ADAMTS15: variants seen among roughly 807,000 people sequenced by gnomAD.
The protein encoded by ADAMTS15 is A disintegrin and metalloproteinase with thrombospondin motifs 15.
Under a neutral mutation model 79.1 loss-of-function variants are expected in ADAMTS15, and 35 were observed. The ratio of observed to expected loss-of-function variants is 0.44; its 90% confidence interval spans 0.34 to 0.59. The LOEUF (loss-of-function observed/expected upper bound fraction) is 0.59, where lower values mean the gene tolerates loss of function less well. ADAMTS15 is among the 20% of genes least tolerant of loss of function. The pLI, the probability that ADAMTS15 is intolerant of heterozygous loss-of-function variation, is 0.02. For synonymous variants in ADAMTS15, 616 were observed against 567.3 expected (o/e 1.09, Z -1.22); for missense variants, 1,324 against 1,318.7 (o/e 1.00, Z -0.06).
At chr11:130,454,523 C>A (rs1048249013) in intron 1 of ADAMTS15, among the ~76,000 whole-genome samples, 1 of 152,312 alleles carries the variant, frequency 6.6e-6, no homozygotes, top group African/African-American at 2.4e-5. Context: ...ACACATATCT[C>A]CCTATACAAT....
intron 1 of ADAMTS15, among the ~76,000 whole-genome samples, chr11:130,454,007 G>A (rs1242407996): frequency 6.6e-6 from 1 of 152,182 alleles, no homozygotes; most frequent in Non-Finnish European, 1.5e-5. Context: ...ACGAGGTCTT[G>A]CTATGTTGCT....
At position 130,448,883 on chromosome 11, in the gene ADAMTS15, T is replaced by C; in HGVS notation, c.-91T>C. The C allele has an allele frequency of 9.8e-7, 1 of 1,017,082 alleles. No individual in the cohort carries two copies. The highest frequency in any genetic ancestry group is 3.0e-5 in the South Asian group (1 of 33,878). 63.0% of individuals were successfully genotyped at this position (1,017,082 alleles called of 1,614,324 possible). On this transcript the variant is annotated 5_prime_UTR_variant, in exon 1 of 8. Transcript: ENST00000299164. ...CCGGCTGTCCCGTAGCGTTGGCGGT[T>C]CCAGAGTGCGGGCTGCACGGAGACC... is the stretch of plus-strand genomic sequence containing the variant.
At position 130,449,379 on chromosome 11, in the gene ADAMTS15, A is replaced by G. The variant is rs570953560; in HGVS notation, c.406A>G (p.Ile136Val). ...TGGCTACCGAGGCGCCGAGTATGTC[A>G]TTAGCCCGCTGCCCAATGCTAGCGC... ...AFGYRGAEYV[I>V]SPLPNASAPA... The change falls in exon 1 of 8, where the codon ATT becomes GTT. Residue 136 changes from isoleucine to valine, a missense_variant. Physicochemically the swap from Ile to Val is conservative, Grantham distance 29. Transcript: ENST00000299164. The surrounding 1 kb of genome is among the most constrained non-coding windows in gnomAD (Gnocchi z 7.8). 2 of 1,604,198 alleles carry G rather than the reference A, an allele frequency of 1.2e-6. No individual in the cohort carries two copies. Among genetic ancestry groups the G allele is most frequent in the East Asian group, 2.2e-5 (1 of 44,836 alleles).
chr11:130,451,826 C>G (rs917510187), intron 1 of ADAMTS15, among the ~76,000 whole-genome samples: 40 of 152,212 alleles, frequency 2.6e-4, no homozygotes, highest in African/African-American at 9.2e-4. Flanking sequence ...AGCATGACAG[C>G]TTCTATTTCT....
Position 130,449,567 on chromosome 11 carries a change from CG to C in ADAMTS15, c.598del (p.Glu200ArgfsTer44). Reference protein sequence around the residue: ...DPYKPRRAGFGESRSRRRSGR... With the variant: ...DPYKPRRAGFXESRSRRRSGR... ...CTTACAAGCCGCGGCGGGCGGGCTT[CG>C]GGGAGAGTCGTAGCCGGCGCAGGTC... On this transcript the variant is annotated frameshift_variant, in exon 1 of 8. Coordinates refer to ENST00000299164, the MANE Select transcript of ADAMTS15 (RefSeq NM_139055.4). LOFTEE classifies it high-confidence loss of function. This position sits in a 1 kb window ranked among gnomAD's most constrained non-coding sequence, Gnocchi z 7.8. The C allele has an allele frequency of 6.3e-7, 1 of 1,587,938 alleles. No homozygotes were observed. Among genetic ancestry groups the C allele is most frequent in the Non-Finnish European group, 8.6e-7 (1 of 1,166,096 alleles).
chr11:130,460,259 A>G (rs1938171938), intron 1 of ADAMTS15, among the ~76,000 whole-genome samples: 1 of 150,470 alleles, frequency 6.6e-6, no homozygotes, highest in African/African-American at 2.5e-5. Context: ...AGCATCACTG[A>G]TTCAACACAC....
At position 130,471,029 on chromosome 11, in the gene ADAMTS15, G is replaced by A. The variant is rs1938441955; in HGVS notation, c.1830G>A (p.Val610=). The A allele has an allele frequency of 1.2e-6, 2 of 1,613,716 alleles. No homozygotes were observed. The highest frequency in any genetic ancestry group is 1.7e-6 in the Non-Finnish European group (2 of 1,180,048). ...AVAWVPKYSG[V]SPRDKCKLIC... is the part of the protein sequence containing the mutation. ...CATGGGTGCCCAAGTACTCCGGCGT[G>A]TCTCCCCGGGACAAGTGCAAGCTCA... The change falls in exon 6 of 8, where the codon GTG becomes GTA. Residue 610 remains valine, a synonymous_variant. Coordinates refer to ENST00000299164, the MANE Select transcript of ADAMTS15 (RefSeq NM_139055.4).
At chr11:130,454,827 TTTTTC>T (rs1261107404) in intron 1 of ADAMTS15, among the ~76,000 whole-genome samples, 1 of 152,166 alleles carries the variant, frequency 6.6e-6, no homozygotes, top group Non-Finnish European at 1.5e-5. Context: ...GGAGGGAATC[TTTTTC>T]TTTTATTTTT....
chr11:130,456,201 C>T (rs1938075782), intron 1 of ADAMTS15, among the ~76,000 whole-genome samples: 1 of 152,316 alleles, frequency 6.6e-6, no homozygotes, highest in Non-Finnish European at 1.5e-5. Context: ...TCGCGACAGT[C>T]TGGCACACAG....
Position 130,470,949 on chromosome 11 carries a change from T to G in ADAMTS15, c.1750T>G (p.Cys584Gly). 1 of 1,613,666 alleles carries G rather than the reference T, an allele frequency of 6.2e-7. No individual in the cohort carries two copies. The highest frequency in any genetic ancestry group is 8.5e-7 in the Non-Finnish European group (1 of 1,179,976). ...CGGAAAGAGCTTCCGGGAGGAGCAGTGTGAGGCTTTCAACGGCTACAACCA... is the reference window on the plus strand; with the variant it reads ...CGGAAAGAGCTTCCGGGAGGAGCAGGGTGAGGCTTTCAACGGCTACAACCA... ...ASGKSFREEQ[C>G]EAFNGYNHST... is the part of the protein sequence containing the mutation. The change falls in exon 6 of 8, where the codon TGT (cysteine) becomes GGT (glycine). Residue 584 changes from cysteine (C) to glycine (G), a missense_variant. Cys to Gly is a radical substitution (Grantham distance 159). Coordinates refer to ENST00000299164, the MANE Select transcript of ADAMTS15 (RefSeq NM_139055.4).
chr11:130,451,022 G>A (rs1031735120), intron 1 of ADAMTS15, among the ~76,000 whole-genome samples: 1 of 152,216 alleles, frequency 6.6e-6, no homozygotes, highest in Non-Finnish European at 1.5e-5. Flanking sequence ...ATCTGCAAAC[G>A]TTTAGATTCA....
intron 4 of ADAMTS15, among the ~76,000 whole-genome samples, chr11:130,468,939 C>CAAAAAAAAAAAAAAAAAAAA (rs911391031): frequency 4.3e-4 from 12 of 27,846 alleles, no homozygotes; most frequent in African/African-American, 1.2e-3. Flanking sequence ...TCCACCTCAA[C>CAAAAAAAAAAAAAAAAAAAA]AAAAAAAAAA....
intron 5 of ADAMTS15, among the ~76,000 whole-genome samples, chr11:130,470,168 A>ATATGTATATG (rs1565397724): frequency 1.7e-5 from 1 of 58,688 alleles, no homozygotes; most frequent in South Asian, 4.4e-4. Context: ...ATATATATAT[A>ATATGTATATG]TATATATATA....
chr11:130,470,148 ATATGTG>A (rs1351169217), intron 5 of ADAMTS15, among the ~76,000 whole-genome samples: 7 of 59,590 alleles, frequency 1.2e-4, no homozygotes, highest in African/African-American at 4.9e-4. Flanking sequence ...ATATATATAT[ATATGTG>A]TATATATATA....
chr11:130,468,762 C>A (rs1938357915), intron 4 of ADAMTS15, among the ~76,000 whole-genome samples: 1 of 93,548 alleles, frequency 1.1e-5, no homozygotes, highest in African/African-American at 4.3e-5. Flanking sequence ...GAGACTCCAT[C>A]TCAAAAAAAA....
rs1283295539 is a variant in ADAMTS15 at position 130,472,108 on chromosome 11, C to T, written c.2078+725C>T. Among the ~76,000 whole-genome samples, 1 of 152,236 alleles carries T rather than the reference C, an allele frequency of 6.6e-6. No individual in the cohort carries two copies. The highest frequency in any genetic ancestry group is 1.5e-5 in the Non-Finnish European group (1 of 68,042). On this transcript the variant is annotated intron_variant, in intron 7 of 7. Coordinates refer to ENST00000299164, the MANE Select transcript of ADAMTS15 (RefSeq NM_139055.4). This position sits in a 1 kb window ranked among gnomAD's most constrained non-coding sequence, Gnocchi z 4.7. ...ATATGCTCCTTGGAAAGCCCTGACC[C>T]ACGTTCTAGAAGAAGAGGGGGTAGG... is the stretch of plus-strand genomic sequence containing the variant.
chr11:130,451,050 G>C (rs1937951565), intron 1 of ADAMTS15, among the ~76,000 whole-genome samples: 2 of 152,208 alleles, frequency 1.3e-5, no homozygotes, highest in African/African-American at 4.8e-5. Flanking sequence ...TGGAGTGATT[G>C]GGCACTGAGG....
chr11:130,474,115 T>C lies in ADAMTS15; in HGVS notation c.*294T>C, dbSNP rs139882544. 1,100 of 337,440 alleles carry C rather than the reference T, an allele frequency of 3.3e-3. 19 individuals are homozygous for C. Among genetic ancestry groups the C allele is most frequent in the African/African-American group, 0.02 (979 of 47,766 alleles). The allele number at this position is 337,440 out of a possible 1,614,324, so 20.9% of individuals were successfully genotyped here. A position where few individuals can be genotyped will look rare whatever the true frequency, so the allele number is the denominator to read the frequency against. On this transcript the variant is annotated 3_prime_UTR_variant, in exon 8 of 8. Transcript: ENST00000299164. The stretch of plus-strand genomic sequence containing the variant: ...TGCTGAGGCCCAGTTTCCAAGGAAC[T>C]TGGAGGATGGGCACCTTCCAGGCAG...
In ADAMTS15 at chr11:130,449,536, T is replaced by A. The variant is rs1215792157; in HGVS notation, c.563T>A (p.Leu188Gln). The change falls in exon 1 of 8, where the codon CTG becomes CAG. Residue 188 changes from leucine (L) to glutamine (Q), a missense_variant. Physicochemically the swap from Leu to Gln is moderately radical, Grantham distance 113. Coordinates refer to ENST00000299164, the MANE Select transcript of ADAMTS15 (RefSeq NM_139055.4). The surrounding 1 kb of genome is among the most constrained non-coding windows in gnomAD (Gnocchi z 7.8). ...TGGAACCCCGCCATCCTACGGGCCC[T>A]GGACCCTTACAAGCCGCGGCGGGCG... ...SGWNPAILRALDPYKPRRAGF... is the reference protein window; with the variant it reads ...SGWNPAILRAQDPYKPRRAGF... 6.3e-7 allele frequency: 1 copy of A among 1,575,098 alleles called. No individual in the cohort carries two copies. Among genetic ancestry groups the A allele is most frequent in the Admixed American group, 1.7e-5 (1 of 57,960 alleles).
Sources: allele counts gnomAD v4.1 joint callset (sites outside exome capture counted in the v4.1 genomes callset), GRCh38; gene constraint gnomAD v4.1.1; non-coding constraint Gnocchi (gnomAD v3.1); transcripts MANE v1.5; gene names NCBI Gene and HGNC (gene_info 2026-07-23, HGNC 2026-07-21).